SYT1: variants seen among roughly 807,000 people sequenced by gnomAD.
SYT1 encodes synaptotagmin 1.
Under a neutral mutation model 44.8 loss-of-function variants are expected in SYT1, and 8 were observed. That is an observed-to-expected ratio of 0.18 (90% confidence interval 0.10 to 0.32). The LOEUF (loss-of-function observed/expected upper bound fraction) is 0.32, where lower values mean the gene tolerates loss of function less well. Among genes scored for constraint, SYT1 ranks in the 10% least tolerant of loss-of-function variants. The probability of loss-of-function intolerance (pLI) is 1.00; values close to 1 mark genes in which losing one functional copy is unlikely to be tolerated. For missense variants in SYT1, 286 were observed against 509.3 expected, an observed-to-expected ratio of 0.56 and a Z score of 4.22; for synonymous variants, 154 against 188.8, an observed-to-expected ratio of 0.82 and a Z score of 1.51.
chr12:79,045,466 GC>G (rs1473859454), intron 2 of SYT1: 2 of 154,890 alleles, frequency 1.3e-5, no homozygotes, highest in Admixed American at 1.3e-4. Context: ...GCAATGCCTC[GC>G]CCCTGTTTCG....
intron 8 of SYT1, among the ~76,000 whole-genome samples, chr12:79,310,920 G>A (rs1283156188): frequency 3.3e-5 from 5 of 152,212 alleles, no homozygotes; most frequent in African/African-American, 9.6e-5. Flanking sequence ...TTTGGGCTGA[G>A]ACAATGGGGT....
chr12:79,319,552 C>G lies in SYT1; in HGVS notation c.810+20001C>G, dbSNP rs183657873. On this transcript the variant is annotated intron_variant, in intron 8 of 10. Transcript: ENST00000261205. ...GATGTTTTGGTCTGCAATACATACA[C>G]TCCACACATGCCCTATAGTTGTCTG... 1.4e-3 allele frequency among the ~76,000 whole-genome samples: 215 copies of G among 152,280 alleles called. 1 individual carries two copies. Among genetic ancestry groups the G allele is most frequent in the South Asian group, 3.5e-3 (17 of 4,830 alleles).
intron 1 of SYT1, among the ~76,000 whole-genome samples, chr12:78,884,283 G>A (rs1411673488): frequency 6.6e-6 from 1 of 151,492 alleles, no homozygotes; most frequent in East Asian, 1.9e-4. Context: ...ATTTTTAAAT[G>A]TATAGTTATA....
chr12:79,317,580 A>T (rs10746106), intron 8 of SYT1, among the ~76,000 whole-genome samples: 1 of 151,996 alleles, frequency 6.6e-6, no homozygotes, highest in Non-Finnish European at 1.5e-5. Context: ...ACACAAACCC[A>T]GCTCAAGTCA....
At chr12:78,886,556 T>C (rs2137065737) in intron 1 of SYT1, among the ~76,000 whole-genome samples, 1 of 152,126 alleles carries the variant, frequency 6.6e-6, no homozygotes, top group Middle Eastern at 3.4e-3. Context: ...AATTAAAAGA[T>C]GTTTGTAACC....
chr12:79,446,526 T>A (rs1238510918), intron 10 of SYT1, among the ~76,000 whole-genome samples: 3 of 152,170 alleles, frequency 2.0e-5, no homozygotes, highest in Non-Finnish European at 4.4e-5. Context: ...TAAATTGATA[T>A]AGCTAGATGT....
chr12:79,299,322 C>A, intron 7 of SYT1, 62 bp from the exon 8 acceptor site: 2 of 1,537,962 alleles, frequency 1.3e-6, no homozygotes, highest in Non-Finnish European at 1.8e-6. Flanking sequence ...GCACCATGAA[C>A]AAGTAACATG....
chr12:78,929,126 G>A (rs1356996091), intron 1 of SYT1, among the ~76,000 whole-genome samples: 1 of 151,646 alleles, frequency 6.6e-6, no homozygotes, highest in Non-Finnish European at 1.5e-5. Flanking sequence ...TAGCAGCCAG[G>A]CATGGTGACT....
chr12:79,256,206 C>T (rs1378688527), intron 4 of SYT1, among the ~76,000 whole-genome samples: 1 of 152,218 alleles, frequency 6.6e-6, no homozygotes, highest in Admixed American at 6.5e-5. Context: ...ATGAGAGAAA[C>T]GGCAAAAGAA....
chr12:78,916,812 A>G (rs2400342), intron 1 of SYT1, among the ~76,000 whole-genome samples: 115,961 of 151,918 alleles, frequency 0.76, 44,803 homozygotes, highest in African/African-American at 0.87. Flanking sequence ...AGTTTCACAG[A>G]CAAAATTGAG....
At chr12:79,163,657 G>A (rs1008827609) in intron 3 of SYT1, among the ~76,000 whole-genome samples, 4 of 152,104 alleles carry the variant, frequency 2.6e-5, no homozygotes, top group East Asian at 1.9e-4. Flanking sequence ...TGCCGTTCTC[G>A]TTCCTCTGCA....
At chr12:79,043,373 T>C (rs1024146042) in intron 2 of SYT1, among the ~76,000 whole-genome samples, 2 of 150,796 alleles carry the variant, frequency 1.3e-5, no homozygotes, top group African/African-American at 4.9e-5. Flanking sequence ...CCCTTTACCA[T>C]TATGTAATGG....
At chr12:79,022,100 G>GAA (rs997667952) in intron 2 of SYT1, among the ~76,000 whole-genome samples, 5 of 144,638 alleles carry the variant, frequency 3.5e-5, no homozygotes, top group Non-Finnish European at 7.6e-5. Flanking sequence ...ATTTGCGGAA[G>GAA]AAAAAAAAAA....
chr12:79,185,497 A>T (rs915778453), intron 3 of SYT1, among the ~76,000 whole-genome samples: 1 of 151,974 alleles, frequency 6.6e-6, no homozygotes, highest in Non-Finnish European at 1.5e-5. Flanking sequence ...TGGCCACATT[A>T]TATCTTGTTA....
chr12:79,422,179 G>T (rs1225444683), intron 9 of SYT1, among the ~76,000 whole-genome samples: 1 of 151,796 alleles, frequency 6.6e-6, no homozygotes, highest in African/African-American at 2.4e-5. Context: ...ACCTTCCTGG[G>T]GTTCTGTCAA....
At chr12:79,347,004 AAGG>A (rs1882637472) in intron 8 of SYT1, among the ~76,000 whole-genome samples, 1 of 151,912 alleles carries the variant, frequency 6.6e-6, no homozygotes, top group Admixed American at 6.6e-5. Context: ...CTAGAATAGT[AAGG>A]AGGTTTTTTT....
chr12:79,320,612 C>G (rs907356654), intron 8 of SYT1, among the ~76,000 whole-genome samples: 3 of 151,100 alleles, frequency 2.0e-5, no homozygotes, highest in Admixed American at 6.6e-5. Context: ...ATCAGCAGCA[C>G]CTCTCTCGGG....
At chr12:79,109,771 C>T (rs963829100) in intron 3 of SYT1, among the ~76,000 whole-genome samples, 1 of 152,118 alleles carries the variant, frequency 6.6e-6, no homozygotes, top group East Asian at 1.9e-4. Context: ...ATATCTGAAG[C>T]TTTGTCTACC....
intron 3 of SYT1, among the ~76,000 whole-genome samples, chr12:79,109,498 A>G (rs555236672): frequency 1.7e-4 from 26 of 152,316 alleles, no homozygotes; most frequent in African/African-American, 4.8e-4. Context: ...CTGAGAGGCC[A>G]TTTAACTTAC....
Sources: allele counts gnomAD v4.1 joint callset (sites outside exome capture counted in the v4.1 genomes callset), GRCh38; gene constraint gnomAD v4.1.1; transcripts MANE v1.5; gene names NCBI Gene and HGNC (gene_info 2026-07-23, HGNC 2026-07-21).